ADCY8: variants seen among roughly 807,000 people sequenced by gnomAD.
ADCY8 encodes the protein adenylate cyclase type 8.
A neutral mutation model predicts 119.7 loss-of-function variants in ADCY8; 51 were observed. That is an observed-to-expected ratio of 0.43 (90% CI 0.34 to 0.54). The LOEUF is 0.54. Among genes scored for constraint, ADCY8 ranks in the 20% least tolerant of loss-of-function variants. ADCY8 has a pLI of 0.03. For missense variants in ADCY8, 1,383 were observed against 1,598.8 expected, an observed-to-expected ratio of 0.87 and a Z score of 2.30; for synonymous variants, 665 against 651.0, an observed-to-expected ratio of 1.02 and a Z score of -0.33.
In ADCY8 at chr8:130,793,616, C is replaced by T. The variant is rs1019430220; in HGVS notation, c.3060+6810G>A. On this transcript the variant is annotated intron_variant, in intron 15 of 17. Transcript: ENST00000286355. Reference sequence around the variant, plus strand: ...TCACTAGATACTGGTTCAATAAGCCCATAAACAGCAAATTCTCTGAGGCTG... The same window carrying T: ...TCACTAGATACTGGTTCAATAAGCCTATAAACAGCAAATTCTCTGAGGCTG... Among the ~76,000 whole-genome samples, 16 of 152,278 alleles carry T rather than the reference C, an allele frequency of 1.1e-4. 1 individual carries two copies. The highest frequency in any genetic ancestry group is 3.8e-4 in the African/African-American group (16 of 41,564).
intron 1 of ADCY8, among the ~76,000 whole-genome samples, chr8:131,027,862 G>A (rs1823869095): frequency 6.6e-6 from 1 of 152,158 alleles, no homozygotes; most frequent in Admixed American, 6.5e-5. Flanking sequence ...CATTGAAGAG[G>A]TGAATTGAAA....
intron 1 of ADCY8, among the ~76,000 whole-genome samples, chr8:131,012,908 C>T (rs933457349): frequency 6.6e-6 from 1 of 152,224 alleles, no homozygotes; most frequent in African/African-American, 2.4e-5. Flanking sequence ...TTCCTACAAA[C>T]TTATCTCCTT....
At chr8:130,934,133 C>T (rs1820715489) in intron 5 of ADCY8, among the ~76,000 whole-genome samples, 1 of 152,178 alleles carries the variant, frequency 6.6e-6, no homozygotes, top group Non-Finnish European at 1.5e-5. Context: ...GAATAAGGCT[C>T]ACACACCTAA....
intron 5 of ADCY8, among the ~76,000 whole-genome samples, chr8:130,922,363 G>A (rs553151144): frequency 3.2e-4 from 49 of 151,332 alleles, no homozygotes; most frequent in Admixed American, 3.1e-3. Context: ...GCGGCCTTCC[G>A]CAGTGTTTGT....
chr8:130,901,997 A>G (rs909546612), intron 7 of ADCY8, among the ~76,000 whole-genome samples: 2 of 152,222 alleles, frequency 1.3e-5, no homozygotes, highest in Admixed American at 6.5e-5. Context: ...TCAATCAACT[A>G]TAGAATAAAA....
chr8:130,872,698 G>T (rs746710541), intron 8 of ADCY8, among the ~76,000 whole-genome samples: 1 of 152,160 alleles, frequency 6.6e-6, no homozygotes. Flanking sequence ...AAAATAATGA[G>T]CCCCTTTTTA....
At chr8:130,843,086 C>T (rs1817196828) in intron 11 of ADCY8, among the ~76,000 whole-genome samples, 1 of 152,008 alleles carries the variant, frequency 6.6e-6, no homozygotes, top group Non-Finnish European at 1.5e-5. Flanking sequence ...TTCTAGGACA[C>T]ATATTAAATT....
Position 130,950,574 on chromosome 8 carries a change from T to G in ADCY8, c.1241+1294A>C, listed in dbSNP as rs900654499. Among the ~76,000 whole-genome samples, 4 of 152,230 alleles carry G rather than the reference T, an allele frequency of 2.6e-5. No homozygotes were observed. In the East Asian group the frequency reaches 7.7e-4, roughly 29 times the overall value. On this transcript the variant is annotated intron_variant, in intron 3 of 17. Transcript: ENST00000286355. ...GCAGTGGCCTCCTAACTGGCCTAAG[T>G]GCTCTGGCTTGATTTTGCCTATGCC...
At chr8:130,798,745 G>A (rs946438337) in intron 15 of ADCY8, among the ~76,000 whole-genome samples, 1 of 152,146 alleles carries the variant, frequency 6.6e-6, no homozygotes, top group African/African-American at 2.4e-5. Context: ...CATTGATGGT[G>A]AGAAAAAGGC....
chr8:130,832,976 C>T (rs2130249148), intron 12 of ADCY8, among the ~76,000 whole-genome samples: 1 of 152,334 alleles, frequency 6.6e-6, no homozygotes, highest in Middle Eastern at 3.4e-3. Flanking sequence ...AATGTTGTGT[C>T]TGCCTTTAAT....
chr8:130,886,982 G>T (rs1586534375), intron 7 of ADCY8, among the ~76,000 whole-genome samples: 4 of 149,268 alleles, frequency 2.7e-5, no homozygotes, highest in Non-Finnish European at 4.5e-5. Context: ...AAGAAAGGGC[G>T]TTTTTTTTTT....
intron 5 of ADCY8, chr8:130,935,651 T>C (rs1242072796): frequency 2.6e-5 from 4 of 152,260 alleles, no homozygotes; most frequent in African/African-American, 9.6e-5. Context: ...AGCACTCCAC[T>C]TGAAGACTGT....
At chr8:130,823,555 G>A (rs1315168116) in intron 12 of ADCY8, among the ~76,000 whole-genome samples, 1 of 152,010 alleles carries the variant, frequency 6.6e-6, no homozygotes, top group Non-Finnish European at 1.5e-5. Context: ...ATCTCTTTAT[G>A]CTAATAGAAA....
intron 5 of ADCY8, among the ~76,000 whole-genome samples, chr8:130,932,834 C>A: frequency 6.6e-6 from 1 of 152,166 alleles, no homozygotes. Context: ...GGCACCCTAT[C>A]CTACCCATAT....
chr8:130,933,181 T>C (rs1737003602), intron 5 of ADCY8, among the ~76,000 whole-genome samples: 1 of 150,184 alleles, frequency 6.7e-6, no homozygotes, highest in Non-Finnish European at 1.5e-5. Flanking sequence ...CAACACGAAA[T>C]TTGGGGACAC....
At chr8:130,965,547 T>G (rs904373880) in intron 2 of ADCY8, among the ~76,000 whole-genome samples, 4 of 152,222 alleles carry the variant, frequency 2.6e-5, no homozygotes, top group Admixed American at 2.0e-4. Flanking sequence ...GGCTACATCA[T>G]GAGAGTCACA....
intron 8 of ADCY8, among the ~76,000 whole-genome samples, chr8:130,880,075 G>T (rs1213788154): frequency 6.6e-6 from 1 of 152,174 alleles, no homozygotes; most frequent in Admixed American, 6.5e-5. Context: ...AGCCACATAA[G>T]ATGTGACTTG....
chr8:131,018,996 A>G (rs1029268624), intron 1 of ADCY8, among the ~76,000 whole-genome samples: 3 of 152,138 alleles, frequency 2.0e-5, no homozygotes, highest in African/African-American at 7.2e-5. Flanking sequence ...GTCTTCCTCA[A>G]TGTTCTCAGA....
chr8:130,786,479 G>GACTTTGCA (rs1815252689), intron 15 of ADCY8, among the ~76,000 whole-genome samples: 1 of 152,176 alleles, frequency 6.6e-6, no homozygotes, highest in African/African-American at 2.4e-5. Context: ...TGACAAAAAG[G>GACTTTGCA]ACTTTGCAGA....
Sources: gnomAD v4.1 joint callset for allele counts (sites outside exome capture counted in the v4.1 genomes callset) on GRCh38, gnomAD v4.1.1 for gene constraint, MANE v1.5 for transcripts, NCBI Gene and HGNC (gene_info 2026-07-23, HGNC 2026-07-21) for gene names.